ITGB3: variants seen among roughly 807,000 people sequenced by gnomAD.
ITGB3 encodes integrin subunit beta 3.
In ITGB3, 48 loss-of-function variants were observed where a neutral mutation model predicts 85.8. That is an observed-to-expected ratio of 0.56 (90% CI 0.44 to 0.71). The LOEUF (loss-of-function observed/expected upper bound fraction) is 0.71, where lower values mean the gene tolerates loss of function less well. Ranked by LOEUF, ITGB3 falls within the 30% of genes least tolerant of loss-of-function variation. ITGB3 has a pLI of 0.00. For missense variants in ITGB3, 861 were observed against 1,019.1 expected (o/e 0.84, Z 2.11); for synonymous variants, 363 against 395.6 (o/e 0.92, Z 0.98).
At position 47,299,248 on chromosome 17, in the gene ITGB3, G is replaced by A; in HGVS notation, c.1691-60G>A. The A allele has an allele frequency of 6.7e-7, 1 of 1,492,944 alleles. No individual in the cohort carries two copies. Among genetic ancestry groups the A allele is most frequent in the East Asian group, 2.3e-5 (1 of 44,312 alleles). 92.5% of individuals were successfully genotyped at this position (1,492,944 alleles called of 1,614,324 possible). The stretch of plus-strand genomic sequence containing the variant: ...AGAGCAGGATGGTCGTGTGTAGCCT[G>A]CTGCCATGGGAGTGGAGCTCTCGCC... On this transcript the variant is annotated intron_variant, in intron 10 of 14. Transcript: ENST00000559488. This position sits in a 1 kb window ranked among gnomAD's most constrained non-coding sequence, Gnocchi z 5.1.
At chr17:47,289,596 C>T (rs1027133242) in intron 6 of ITGB3, 85 bp from the exon 7 acceptor site, 16 of 988,106 alleles carry the variant, frequency 1.6e-5, no homozygotes, top group African/African-American at 1.4e-4. Flanking sequence ...CTCTGAGCCA[C>T]AGCCCAAGCA....
At chr17:47,294,289 TG>T (rs2065137895) in intron 10 of ITGB3, among the ~76,000 whole-genome samples, 1 of 152,220 alleles carries the variant, frequency 6.6e-6, no homozygotes, top group African/African-American at 2.4e-5. Flanking sequence ...GGGAGACCCC[TG>T]GGAAGAAGGT....
rs567649318 is a variant in ITGB3 at position 47,306,475 on chromosome 17, A to G, written c.2135-996A>G. Among the ~76,000 whole-genome samples the G allele has an allele frequency of 2.6e-5, 4 of 152,302 alleles. No individual in the cohort carries two copies. The South Asian group carries it at 8.3e-4, about 32-fold the overall frequency. On this transcript the variant is annotated intron_variant, in intron 13 of 14. Transcript: ENST00000559488. ...GACAATTTTGTAGAGGCAGAGCCTC[A>G]CTATGTTGCCCAGGCTGGTCTTGAA...
intron 10 of ITGB3, among the ~76,000 whole-genome samples, chr17:47,292,804 T>C (rs1378547200): frequency 1.3e-5 from 2 of 152,218 alleles, no homozygotes; most frequent in Non-Finnish European, 2.9e-5. Context: ...CATGTCAGAA[T>C]ATGTAGTAAG....
At chr17:47,254,010 T>G (rs1598673639) in intron 1 of ITGB3, 70 bp downstream of exon 1, 7 of 1,047,382 alleles carry the variant, frequency 6.7e-6, no homozygotes, top group Non-Finnish European at 7.7e-6. Context: ...GTTGCGGACT[T>G]GGAGCCGGCA....
At chr17:47,279,115 T>C (rs2143079603) in intron 2 of ITGB3, among the ~76,000 whole-genome samples, 1 of 152,332 alleles carries the variant, frequency 6.6e-6, no homozygotes, top group South Asian at 2.1e-4. Context: ...ATTTCCAAAA[T>C]GGGATTAATG....
In ITGB3 at chr17:47,283,537, C is replaced by T. The variant is rs777748046; in HGVS notation, c.349C>T (p.Arg117Trp). The T allele has an allele frequency of 5.0e-6, 8 of 1,614,066 alleles. No individual in the cohort carries two copies. The highest frequency in any genetic ancestry group is 1.3e-5 in the African/African-American group (1 of 74,916). Residue 117 changes from arginine (R) to tryptophan (W), a missense_variant, in exon 3 of 15, where the codon CGG becomes TGG. Coordinates refer to ENST00000559488, the MANE Select transcript of ITGB3 (RefSeq NM_000212.3). ...TQVSPQRIAL[R>W]LRPDDSKNFS... ...AGTCAGTCCCCAGAGGATTGCACTC[C>T]GGCTCCGGCCAGGTAGGGCTGGGAC...
chr17:47,262,328 G>T (rs1463565810), intron 1 of ITGB3, among the ~76,000 whole-genome samples: 6 of 152,132 alleles, frequency 3.9e-5, no homozygotes. Flanking sequence ...GCTGAGCCTC[G>T]GACAGCTTGG....
intron 2 of ITGB3, among the ~76,000 whole-genome samples, chr17:47,278,505 G>A (rs1007939594): frequency 3.9e-5 from 6 of 152,038 alleles, no homozygotes; most frequent in Non-Finnish European, 5.9e-5. Context: ...GCTTGAATCC[G>A]GGAGGTGGAG....
intron 1 of ITGB3, among the ~76,000 whole-genome samples, chr17:47,271,178 G>T (rs116715181): frequency 4.1e-3 from 631 of 152,300 alleles, no homozygotes; most frequent in African/African-American, 0.014. Context: ...AATGGAGGCT[G>T]AGAGGAGTTA....
chr17:47,289,849 C>A, intron 7 of ITGB3, 73 bp downstream of exon 7: 1 of 1,024,208 alleles, frequency 9.8e-7, no homozygotes, highest in South Asian at 1.3e-5. Flanking sequence ...CCTGTGCTAG[C>A]ATTGGATACA....
chr17:47,268,353 G>T (rs928358225), intron 1 of ITGB3, among the ~76,000 whole-genome samples: 1 of 152,196 alleles, frequency 6.6e-6, no homozygotes, highest in African/African-American at 2.4e-5. Flanking sequence ...TAACCTGAAA[G>T]TCCAAGTCCA....
At chr17:47,276,704 C>T (rs183789200) in intron 2 of ITGB3, among the ~76,000 whole-genome samples, 344 of 152,102 alleles carry the variant, frequency 2.3e-3, no homozygotes, top group African/African-American at 7.7e-3. Context: ...ATGTGGTGAC[C>T]GGGGAGGGAT....
rs754250394 is a variant in ITGB3 at position 47,292,187 on chromosome 17, G to A, written c.1309G>A (p.Glu437Lys). ...GGTGCGAGGCTGTCCCCAGGAGAAG[G>A]AGAAGTCCTTTACCATAAAGCCCGT... ...AKVRGCPQEK[E>K]KSFTIKPVGF... Residue 437 changes from glutamate to lysine, a missense_variant, in exon 10 of 15, where the codon GAG becomes AAG. By Grantham distance (56) the Glu-to-Lys change is moderately conservative. Transcript: ENST00000559488. The A allele has an allele frequency of 2.5e-6, 4 of 1,614,202 alleles. No individual in the cohort carries two copies. The highest frequency in any genetic ancestry group is 4.5e-5 in the East Asian group (2 of 44,892).
Position 47,312,055 on chromosome 17 carries a change from A to G in ITGB3, c.*1851A>G, listed in dbSNP as rs1015440368. 6.6e-6 allele frequency among the ~76,000 whole-genome samples: 1 copy of G among 152,216 alleles called. No individual in the cohort carries two copies. The highest frequency in any genetic ancestry group is 2.4e-5 in the African/African-American group (1 of 41,440). On this transcript the variant is annotated 3_prime_UTR_variant, in exon 15 of 15. Coordinates refer to ENST00000559488, the MANE Select transcript of ITGB3 (RefSeq NM_000212.3). Reference sequence around the variant, plus strand: ...TTTGTGTTTTTAGTTGGGAGATCTGAGAGACCTGGCTTTGGCAAGAGCAGA... The same window carrying G: ...TTTGTGTTTTTAGTTGGGAGATCTGGGAGACCTGGCTTTGGCAAGAGCAGA...
At position 47,284,485 on chromosome 17, in the gene ITGB3, A is replaced by T; in HGVS notation, c.404A>T (p.Asp135Val). 6.2e-7 allele frequency: 1 copy of T among 1,614,100 alleles called. No homozygotes were observed. Among genetic ancestry groups the T allele is most frequent in the East Asian group, 2.2e-5 (1 of 44,884 alleles). The stretch of plus-strand genomic sequence containing the variant: ...TCCATCCAAGTGCGGCAGGTGGAGG[A>T]TTACCCTGTGGACATCTACTACTTG... ...NFSIQVRQVEDYPVDIYYLMD... is the reference protein window; with the variant it reads ...NFSIQVRQVEVYPVDIYYLMD... Residue 135 changes from aspartate to valine, a missense_variant, in exon 4 of 15, where the codon GAT (aspartate) becomes GTT (valine). Asp to Val is a radical substitution (Grantham distance 152). Coordinates refer to ENST00000559488, the MANE Select transcript of ITGB3 (RefSeq NM_000212.3).
rs2065209401 is a variant in ITGB3, at chr17:47,310,394, G to A, written c.*190G>A. 3.0e-6 allele frequency: 2 copies of A among 677,744 alleles called. No individual in the cohort carries two copies. The highest frequency in any genetic ancestry group is 5.5e-5 in the East Asian group (2 of 36,394). The allele number at this position is 677,744 out of a possible 1,614,324, so 42.0% of individuals were successfully genotyped here. A position where few individuals can be genotyped will look rare whatever the true frequency, so the allele number is the denominator to read the frequency against. ...TGTGGGGGTCTGTGTGTTTATGTGT[G>A]TGTGTTGTGTGTGGGAGTGTGTAAT... is the stretch of plus-strand genomic sequence containing the variant. On this transcript the variant is annotated 3_prime_UTR_variant, in exon 15 of 15. Transcript: ENST00000559488.
At chr17:47,308,874 G>A (rs930364474) in intron 14 of ITGB3, among the ~76,000 whole-genome samples, 2 of 152,030 alleles carry the variant, frequency 1.3e-5, no homozygotes, top group African/African-American at 4.8e-5. Flanking sequence ...AACCTAGTGA[G>A]GGTCTTACTT....
At chr17:47,275,421 T>C (rs1240363371) in intron 2 of ITGB3, among the ~76,000 whole-genome samples, 1 of 152,040 alleles carries the variant, frequency 6.6e-6, no homozygotes, top group Non-Finnish European at 1.5e-5. Flanking sequence ...ATGAATGTGG[T>C]TGAAGAGATT....
Sources: allele counts gnomAD v4.1 joint callset (sites outside exome capture counted in the v4.1 genomes callset), GRCh38; gene constraint gnomAD v4.1.1; non-coding constraint Gnocchi (gnomAD v3.1); transcripts MANE v1.5; gene names NCBI Gene and HGNC (gene_info 2026-07-23, HGNC 2026-07-21).